The following OR4N2 variants were observed in gnomAD, a reference collection of about 807,000 sequenced individuals.
The protein encoded by OR4N2 is olfactory receptor family 4 subfamily N member 2, also known as olfactory receptor 4N2.
For synonymous variants in OR4N2, 141 were observed against 140.4 expected (o/e 1.00, Z -0.03); for missense variants, 307 against 377.6 (o/e 0.81, Z 1.55).
At position 19,813,411 on chromosome 14, in the gene OR4N2, A is replaced by G. The variant is rs371116045; in HGVS notation, c.-10+9567A>G. On this transcript the variant is annotated intron_variant, in intron 1 of 1. Transcript: ENST00000557677. ...GTAAGAAGAATTTACCAACAACTGT[A>G]TAGATTTGAAAAGGAAAGTTGTATT... Among the ~76,000 whole-genome samples, 37 of 152,352 alleles carry G rather than the reference A, an allele frequency of 2.4e-4. No individual in the cohort carries two copies. The South Asian group carries it at 7.3e-3, about 30-fold the overall frequency.
At chr14:19,806,451 G>T (rs1262857367) in intron 1 of OR4N2, among the ~76,000 whole-genome samples, 2 of 151,812 alleles carry the variant, frequency 1.3e-5, no homozygotes, top group Non-Finnish European at 3.0e-5. Flanking sequence ...TATGAAACAA[G>T]CCAACAACAA....
At position 19,811,615 on chromosome 14, in the gene OR4N2, G is replaced by A. The variant is rs1459072375; in HGVS notation, c.-10+7771G>A. On this transcript the variant is annotated intron_variant, in intron 1 of 1. Coordinates refer to ENST00000557677, the MANE Select transcript of OR4N2 (RefSeq NM_001004723.3). Reference sequence around the variant, plus strand: ...AATACATAAAAAGTTGTGACCAGATGGGATTTATCCCAAAAACGATAGTTG... The same window carrying A: ...AATACATAAAAAGTTGTGACCAGATAGGATTTATCCCAAAAACGATAGTTG... Among the ~76,000 whole-genome samples, 5 of 152,376 alleles carry A rather than the reference G, an allele frequency of 3.3e-5. No homozygotes were observed. The East Asian group carries it at 9.6e-4, about 29-fold the overall frequency.
Position 19,829,161 on chromosome 14 carries a change from A to G in OR4N2, c.*789A>G, listed in dbSNP as rs1451078386. 6.6e-6 allele frequency: 1 copy of G among 152,268 alleles called. No homozygotes were observed. The highest frequency in any genetic ancestry group is 2.4e-5 in the African/African-American group (1 of 41,472). The allele number at this position is 152,268 out of a possible 1,614,324, so 9.4% of individuals were successfully genotyped here. A position where few individuals can be genotyped will look rare whatever the true frequency, so the allele number is the denominator to read the frequency against. On this transcript the variant is annotated 3_prime_UTR_variant, in exon 2 of 2. Coordinates refer to ENST00000557677, the MANE Select transcript of OR4N2 (RefSeq NM_001004723.3). Reference sequence around the variant, plus strand: ...TAAACTACCAATTTTTCTTACATAAATAAGCAGAGAGTGGCAAAAGAAAGC... The same window carrying G: ...TAAACTACCAATTTTTCTTACATAAGTAAGCAGAGAGTGGCAAAAGAAAGC...
At chr14:19,826,121 T>C (rs142166669) in intron 1 of OR4N2, among the ~76,000 whole-genome samples, 48 of 152,358 alleles carry the variant, frequency 3.2e-4, no homozygotes, top group African/African-American at 1.0e-3. Flanking sequence ...ACATATAAAA[T>C]GTTATACACC....
chr14:19,813,209 A>T (rs1879344645), intron 1 of OR4N2, among the ~76,000 whole-genome samples: 1 of 152,370 alleles, frequency 6.6e-6, no homozygotes, highest in South Asian at 2.1e-4. Context: ...TTGTTATTCC[A>T]CTTAAGAACG....
chr14:19,827,160 A>C (rs1224789271), intron 1 of OR4N2, among the ~76,000 whole-genome samples: 2 of 152,276 alleles, frequency 1.3e-5, no homozygotes, highest in Non-Finnish European at 2.9e-5. Flanking sequence ...AGGAATCCCA[A>C]CGTGGAGGAT....
chr14:19,808,176 GACAAAGATGT>G (rs1879211125), intron 1 of OR4N2, among the ~76,000 whole-genome samples: 1 of 152,152 alleles, frequency 6.6e-6, no homozygotes, highest in Non-Finnish European at 1.5e-5. Context: ...ACTGGAAAAG[GACAAAGATGT>G]ACATTCTTAC....
In OR4N2 at chr14:19,810,687, AAG is replaced by A. The variant is rs1879274574; in HGVS notation, c.-10+6846_-10+6847del. Among the ~76,000 whole-genome samples, 8 of 152,380 alleles carry A rather than the reference AAG, an allele frequency of 5.3e-5. No homozygotes were observed. The South Asian group carries it at 1.7e-3, about 32-fold the overall frequency. On this transcript the variant is annotated intron_variant, in intron 1 of 1. Coordinates refer to ENST00000557677, the MANE Select transcript of OR4N2 (RefSeq NM_001004723.3). ...CTTTGCAAGAAAGAGATAAAAGGAAAAGAGTCAAAATTAATGAAATATAAAGT... is the reference window on the plus strand; with the variant it reads ...CTTTGCAAGAAAGAGATAAAAGGAAAAGTCAAAATTAATGAAATATAAAGT...
rs770261548 is a variant in OR4N2 at position 19,828,072 on chromosome 14, C to T, written c.624C>T (p.Leu208=). ...TCTTCAACAGTGGCCTGATGACACT[C>T]CTGTGCTTTCTGGGGCTTCTGGCCT... ...LMVFNSGLMT[L]LCFLGLLASY... is the part of the protein sequence containing the mutation. Residue 208 remains leucine, a synonymous_variant, in exon 2 of 2, where the codon CTC becomes CTT. Coordinates refer to ENST00000557677, the MANE Select transcript of OR4N2 (RefSeq NM_001004723.3). 303 of 1,614,214 alleles carry T rather than the reference C, an allele frequency of 1.9e-4. No individual in the cohort carries two copies. Among genetic ancestry groups the T allele is most frequent in the Non-Finnish European group, 2.4e-4 (287 of 1,180,016 alleles).
chr14:19,816,176 A>C (rs1225263920), intron 1 of OR4N2, among the ~76,000 whole-genome samples: 1 of 137,414 alleles, frequency 7.3e-6, no homozygotes, highest in Non-Finnish European at 1.7e-5. Context: ...TGTCTTGGCT[A>C]TACAGGCTCT....
chr14:19,823,029 T>C (rs1204991659), intron 1 of OR4N2, among the ~76,000 whole-genome samples: 3 of 152,378 alleles, frequency 2.0e-5, no homozygotes, highest in African/African-American at 7.2e-5. Context: ...GGCCATCTCA[T>C]TTGATTGATG....
intron 1 of OR4N2, among the ~76,000 whole-genome samples, chr14:19,804,710 G>A (rs1594390617): frequency 6.6e-6 from 1 of 152,198 alleles, no homozygotes; most frequent in Admixed American, 6.5e-5. Context: ...ATGTCTGTTA[G>A]GACCATTTTG....
At chr14:19,813,769 T>A (rs1393135922) in intron 1 of OR4N2, among the ~76,000 whole-genome samples, 1 of 152,210 alleles carries the variant, frequency 6.6e-6, no homozygotes, top group Middle Eastern at 3.4e-3. Context: ...ACTTCTGAAT[T>A]CCTTGGATAA....
chr14:19,824,572 G>C (rs776116451), intron 1 of OR4N2, among the ~76,000 whole-genome samples: 3 of 152,212 alleles, frequency 2.0e-5, no homozygotes, highest in Non-Finnish European at 4.4e-5. Context: ...ACATGGGTTT[G>C]AACCACACAG....
rs1384711794 is a variant in OR4N2, at chr14:19,830,150, T to C, written c.*1778T>C. On this transcript the variant is annotated 3_prime_UTR_variant, in exon 2 of 2. Coordinates refer to ENST00000557677, the MANE Select transcript of OR4N2 (RefSeq NM_001004723.3). ...TTTCCCTCACCTATAACATGAACTTTGTCCTCCCTATTGGGTGTAACCTTT... is the reference window on the plus strand; with the variant it reads ...TTTCCCTCACCTATAACATGAACTTCGTCCTCCCTATTGGGTGTAACCTTT... 4 of 152,448 alleles carry C rather than the reference T, an allele frequency of 2.6e-5. No homozygotes were observed. Among genetic ancestry groups the C allele is most frequent in the Non-Finnish European group, 5.9e-5 (4 of 68,186 alleles). 9.4% of individuals were successfully genotyped at this position (152,448 alleles called of 1,614,324 possible). A position where few individuals can be genotyped will look rare whatever the true frequency, so the allele number is the denominator to read the frequency against.
chr14:19,812,425 G>A (rs765833850), intron 1 of OR4N2, among the ~76,000 whole-genome samples: 1 of 149,860 alleles, frequency 6.7e-6, no homozygotes, highest in African/African-American at 2.5e-5. Flanking sequence ...CACCTCCCGA[G>A]TTCACGCCAT....
chr14:19,814,581 A>G (rs1879379524), intron 1 of OR4N2, among the ~76,000 whole-genome samples: 2 of 152,266 alleles, frequency 1.3e-5, no homozygotes, highest in Non-Finnish European at 2.9e-5. Flanking sequence ...TAAACAAAGT[A>G]CCAAATTTTA....
chr14:19,809,847 A>G (rs1780888), intron 1 of OR4N2, among the ~76,000 whole-genome samples: 12,530 of 149,976 alleles, frequency 0.084, 104 homozygotes, highest in East Asian at 0.18. Context: ...ACAAAAATCA[A>G]TTCAACATGG....
intron 1 of OR4N2, among the ~76,000 whole-genome samples, chr14:19,823,998 C>A (rs1489773440): frequency 6.6e-6 from 1 of 152,208 alleles, no homozygotes; most frequent in South Asian, 2.1e-4. Flanking sequence ...ATGTGGTGAA[C>A]CCTTCTCCTT....
Sources: gnomAD v4.1 joint callset for allele counts (sites outside exome capture counted in the v4.1 genomes callset) on GRCh38, gnomAD v4.1.1 for gene constraint, MANE v1.5 for transcripts, NCBI Gene and HGNC (gene_info 2026-07-23, HGNC 2026-07-21) for gene names.